FERRY3: variants seen among roughly 807,000 people sequenced by gnomAD.
The protein encoded by FERRY3 is FERRY endosomal RAB5 effector complex subunit 3.
At chr12:4,530,040 T>A in the FERRY3 span, 1 of 1,610,726 alleles carries the variant, frequency 6.2e-7, no homozygotes, top group Non-Finnish European at 8.5e-7. Flanking sequence ...CCTTGCATGC[T>A]CTAACGTGGT....
the FERRY3 span, chr12:4,500,109 A>T: frequency 2.5e-6 from 4 of 1,569,394 alleles, no homozygotes; most frequent in African/African-American, 2.7e-5. Flanking sequence ...TGTAAATCAT[A>T]AAATTACAGG....
chr12:4,537,305 G>A, the FERRY3 span, among the ~76,000 whole-genome samples: 6 of 152,236 alleles, frequency 3.9e-5, no homozygotes, highest in African/African-American at 1.4e-4. Flanking sequence ...CCTAAAACTG[G>A]ATTGGGTCCC....
chr12:4,498,464 T>C, the FERRY3 span, among the ~76,000 whole-genome samples: 1 of 152,158 alleles, frequency 6.6e-6, no homozygotes, highest in African/African-American at 2.4e-5. Context: ...GATACCATAT[T>C]AGGTATGACT....
the FERRY3 span, among the ~76,000 whole-genome samples, chr12:4,503,241 A>G: frequency 6.6e-6 from 1 of 152,348 alleles, no homozygotes; most frequent in Admixed American, 6.5e-5. Flanking sequence ...TGGCAGTAGT[A>G]ATCAAATTAA....
chr12:4,530,225 A>G, the FERRY3 span, among the ~76,000 whole-genome samples: 2 of 140,452 alleles, frequency 1.4e-5, no homozygotes, highest in East Asian at 3.9e-4. Context: ...CTAAGCACAG[A>G]AAAAAAAAAT....
At chr12:4,507,047 C>G in the FERRY3 span, among the ~76,000 whole-genome samples, 1 of 152,162 alleles carries the variant, frequency 6.6e-6, no homozygotes, top group East Asian at 1.9e-4. Context: ...GATATACACG[C>G]ACTGCCTTAG....
the FERRY3 span, among the ~76,000 whole-genome samples, chr12:4,510,205 A>G: frequency 6.9e-6 from 1 of 145,736 alleles, no homozygotes; most frequent in African/African-American, 2.7e-5. Context: ...AAAAAGAATA[A>G]AAAGAAATGA....
the FERRY3 span, among the ~76,000 whole-genome samples, chr12:4,504,530 AAAT>A: frequency 6.6e-6 from 1 of 152,210 alleles, no homozygotes. Flanking sequence ...GAGGAAATGA[AAAT>A]AAAATAAATG....
At chr12:4,497,893 A>G in the FERRY3 span, among the ~76,000 whole-genome samples, 1 of 152,346 alleles carries the variant, frequency 6.6e-6, no homozygotes, top group South Asian at 2.1e-4. Flanking sequence ...TAGAAGAGGA[A>G]AATGACACCT....
chr12:4,492,234 T>C, the FERRY3 span, among the ~76,000 whole-genome samples: 6 of 152,032 alleles, frequency 3.9e-5, no homozygotes, highest in African/African-American at 7.3e-5. Flanking sequence ...ACAAAAAAAA[T>C]TTTAGTAAGT....
chr12:4,521,020 T>C, the FERRY3 span, among the ~76,000 whole-genome samples: 1 of 152,000 alleles, frequency 6.6e-6, no homozygotes, highest in Non-Finnish European at 1.5e-5. Context: ...TTAACCTCAG[T>C]CTCTTCTAAT....
chr12:4,513,453 A>C, the FERRY3 span, among the ~76,000 whole-genome samples: 1 of 150,578 alleles, frequency 6.6e-6, no homozygotes, highest in East Asian at 2.0e-4. Flanking sequence ...CTAAGCCAAA[A>C]GAACAAAGCT....
At chr12:4,497,682 A>G in the FERRY3 span, among the ~76,000 whole-genome samples, 1 of 152,238 alleles carries the variant, frequency 6.6e-6, no homozygotes, top group Non-Finnish European at 1.5e-5. Flanking sequence ...CCAATAAGAC[A>G]GTATCTTCAG....
At chr12:4,520,785 G>GTT in the FERRY3 span, among the ~76,000 whole-genome samples, 1 of 152,086 alleles carries the variant, frequency 6.6e-6, no homozygotes, top group Admixed American at 6.5e-5. Context: ...AAAATTAAAA[G>GTT]TTTTTTAAAA....
the FERRY3 span, among the ~76,000 whole-genome samples, chr12:4,505,982 TGAAAC>T: frequency 6.6e-6 from 1 of 152,196 alleles, no homozygotes; most frequent in African/African-American, 2.4e-5. Flanking sequence ...CTGTTTCAAA[TGAAAC>T]AGCTTTTTTT....
At chr12:4,499,195 TAA>T in the FERRY3 span, among the ~76,000 whole-genome samples, 6 of 152,236 alleles carry the variant, frequency 3.9e-5, no homozygotes, top group African/African-American at 1.4e-4. Flanking sequence ...GTGATTTATT[TAA>T]GAGATACAGT....
At chr12:4,491,491 G>A in the FERRY3 span, among the ~76,000 whole-genome samples, 1 of 152,014 alleles carries the variant, frequency 6.6e-6, no homozygotes, top group Non-Finnish European at 1.5e-5. Flanking sequence ...AATTTTTCTG[G>A]ATAATTCTAA....
At chr12:4,516,507 A>G in the FERRY3 span, among the ~76,000 whole-genome samples, 3 of 152,250 alleles carry the variant, frequency 2.0e-5, no homozygotes, top group Admixed American at 6.5e-5. Flanking sequence ...AATGTGGCAC[A>G]TATACATCAT....
chr12:4,530,021 T>A, the FERRY3 span: 1 of 1,613,020 alleles, frequency 6.2e-7, no homozygotes. Flanking sequence ...CCCAGCTGGG[T>A]TCTTCAGGCC....
Sources: gnomAD v4.1 joint callset for allele counts (sites outside exome capture counted in the v4.1 genomes callset) on GRCh38, gnomAD v4.1.1 for gene constraint, MANE v1.5 for transcripts, NCBI Gene and HGNC (gene_info 2026-07-23, HGNC 2026-07-21) for gene names.